Variants in F8 observed in about 807,000 individuals in gnomAD.
F8 encodes the protein coagulation factor VIII.
F8 carries 12 observed loss-of-function variants against 140.6 expected under a neutral mutation model. That is an observed-to-expected ratio of 0.09 (90% CI 0.05 to 0.14). F8 has a LOEUF of 0.14. F8 is among the 10% of genes least tolerant of loss of function. The probability of loss-of-function intolerance (pLI) is 1.00; values close to 1 mark genes in which losing one functional copy is unlikely to be tolerated. For synonymous variants in F8, 585 were observed against 614.6 expected, an observed-to-expected ratio of 0.95 and a Z score of 0.71; for missense variants, 1,354 against 1,720.7, an observed-to-expected ratio of 0.79 and a Z score of 3.77.
At chrX:154,854,704 C>T (rs1213870459) in intron 25 of F8, among the ~76,000 whole-genome samples, 1 of 110,823 alleles carries the variant, frequency 9.0e-6, no homozygotes, top group Non-Finnish European at 1.9e-5. Flanking sequence ...TCTAAAGGAA[C>T]AGAATTTTAA....
chrX:154,950,155 C>T (rs782283590), intron 12 of F8, among the ~76,000 whole-genome samples: 7 of 111,776 alleles, frequency 6.3e-5, no homozygotes, highest in Non-Finnish European at 1.1e-4. Context: ...CCTTAAAGAC[C>T]CTATCTCCAA....
chrX:154,874,706 ATGT>A (rs2072799106), intron 22 of F8, among the ~76,000 whole-genome samples: 1 of 112,216 alleles, frequency 8.9e-6, no homozygotes, highest in South Asian at 3.7e-4. Flanking sequence ...AAGATGACAA[ATGT>A]TGGTGGTAAT....
At chrX:154,914,597 G>C (rs1366109224) in intron 14 of F8, among the ~76,000 whole-genome samples, 1 of 112,202 alleles carries the variant, frequency 8.9e-6, no homozygotes, top group Non-Finnish European at 1.9e-5. Context: ...CTTTGCTAAA[G>C]CATAGCAAGA....
chrX:154,955,934 T>C (rs1433626461), intron 11 of F8, among the ~76,000 whole-genome samples: 1 of 111,749 alleles, frequency 8.9e-6, no homozygotes, highest in Non-Finnish European at 1.9e-5. Flanking sequence ...AATTTCCTAA[T>C]CCTAGCAAGC....
intron 25 of F8, among the ~76,000 whole-genome samples, chrX:154,856,371 G>A (rs2072651310): frequency 8.9e-6 from 1 of 112,197 alleles, no homozygotes; most frequent in African/African-American, 3.2e-5. Context: ...TGGATCCTGG[G>A]GTGGAAGGGG....
chrX:154,948,559 C>T (rs1244843729), intron 12 of F8, among the ~76,000 whole-genome samples: 1 of 112,181 alleles, frequency 8.9e-6, no homozygotes, highest in Non-Finnish European at 1.9e-5. Flanking sequence ...AAATGTTAAA[C>T]ATTTGTGAAT....
chrX:154,938,959 G>T (rs1302994873), intron 13 of F8, among the ~76,000 whole-genome samples: 1 of 110,847 alleles, frequency 9.0e-6, no homozygotes, highest in Non-Finnish European at 1.9e-5. Context: ...AATATATGTA[G>T]AATTCAAATA....
chrX:154,964,836 G>A (rs1557281858), intron 9 of F8, among the ~76,000 whole-genome samples: 1 of 111,300 alleles, frequency 9.0e-6, no homozygotes, highest in Non-Finnish European at 1.9e-5. Flanking sequence ...ATAAAAGATA[G>A]GAGGTTTTGA....
intron 13 of F8, among the ~76,000 whole-genome samples, chrX:154,945,127 A>T (rs1557280193): frequency 9.0e-6 from 1 of 110,521 alleles, no homozygotes; most frequent in African/African-American, 3.3e-5. Flanking sequence ...TATGTAACTA[A>T]CCTGCACATT....
chrX:154,901,525 C>A, intron 19 of F8, 83 bp from the exon 20 acceptor site: 1 of 652,201 alleles, frequency 1.5e-6, no homozygotes, highest in Non-Finnish European at 2.6e-6. Context: ...AATGGGAGAA[C>A]GTCAACAAAT....
In F8 at chrX:154,966,917, C is replaced by T. The variant is rs191479282; in HGVS notation, c.1010-230G>A. Among the ~76,000 whole-genome samples, 5 of 110,046 alleles carry T rather than the reference C, an allele frequency of 4.5e-5. No homozygotes were observed. In the Admixed American group the frequency reaches 4.9e-4, roughly 11 times the overall value. On this transcript the variant is annotated intron_variant, in intron 7 of 25. Transcript: ENST00000360256. ...ACATGTCACATGGTGAAAGCAGGAG[C>T]AAGACAGAGAGTGCAAGTTGCCACA...
chrX:154,903,754 C>A lies in F8; in HGVS notation c.5998+152G>T, dbSNP rs782756781. ...AATTATCTTGTTCATTTGCTTTGAA[C>A]AAATGGTTTAAAAAGCATTTGAAAA... On this transcript the variant is annotated intron_variant, in intron 18 of 25. Coordinates refer to ENST00000360256, the MANE Select transcript of F8 (RefSeq NM_000132.4). The A allele has an allele frequency of 1.9e-5, 9 of 471,899 alleles. No homozygotes were observed. In the Admixed American group the frequency reaches 2.8e-4, roughly 15 times the overall value. 38.9% of individuals were successfully genotyped at this position (471,899 alleles called of 1,213,427 possible). A position where few individuals can be genotyped will look rare whatever the true frequency, so the allele number is the denominator to read the frequency against.
intron 2 of F8, among the ~76,000 whole-genome samples, chrX:154,997,944 G>A (rs28370200): frequency 0.046 from 5,188 of 112,184 alleles, 304 homozygotes; most frequent in African/African-American, 0.16. Flanking sequence ...CAGAAAATCA[G>A]GAGGAAAATT....
chrX:154,973,815 G>A (rs1340391312), intron 6 of F8, among the ~76,000 whole-genome samples: 3 of 111,220 alleles, frequency 2.7e-5, no homozygotes, highest in Non-Finnish European at 5.7e-5. Flanking sequence ...TTTTTGTTTC[G>A]AGACAGTGTT....
chrX:154,928,709 T>C lies in F8; in HGVS notation c.5081A>G (p.Glu1694Gly), dbSNP rs1557278277. Residue 1694 changes from glutamate (E) to glycine (G), a missense_variant, in exon 14 of 26, where the codon GAA becomes GGA. Transcript: ENST00000360256. ...DDTISVEMKKEDFDIYDEDEN... is the reference protein window; with the variant it reads ...DDTISVEMKKGDFDIYDEDEN... ...ATCCTCATCATAAATGTCAAAATCT[T>C]CCTTCTTCATTTCAACTGATATGGT... 2.5e-6 allele frequency: 3 copies of C among 1,208,437 alleles called. No individual in the cohort carries two copies. The highest frequency in any genetic ancestry group is 2.2e-6 in the Non-Finnish European group (2 of 894,655).
In F8 at chrX:154,955,150, A is replaced by G. The variant is rs74879162; in HGVS notation, c.1753-1108T>C. On this transcript the variant is annotated intron_variant, in intron 11 of 25. Coordinates refer to ENST00000360256, the MANE Select transcript of F8 (RefSeq NM_000132.4). ...TATATCTTTCCCTATGTTTTGCCCA[A>G]AAGTATTTATTAAGCTTTTTTTTTT... Among the ~76,000 whole-genome samples, 411 of 102,959 alleles carry G rather than the reference A, an allele frequency of 4.0e-3. 1 individual carries two copies. The highest frequency in any genetic ancestry group is 0.014 in the African/African-American group (393 of 28,279). The allele number at this position is 102,959 out of a possible 115,157, so 89.4% of individuals were successfully genotyped here. A position where few individuals can be genotyped will look rare whatever the true frequency, so the allele number is the denominator to read the frequency against.
intron 9 of F8, among the ~76,000 whole-genome samples, chrX:154,962,951 C>G (rs782059353): frequency 1.8e-5 from 2 of 109,159 alleles, no homozygotes; most frequent in Non-Finnish European, 3.8e-5. Flanking sequence ...GAAGCTGCAG[C>G]GAAGAACCCT....
chrX:154,964,595 G>A (rs952756369), intron 9 of F8, among the ~76,000 whole-genome samples: 1 of 111,736 alleles, frequency 8.9e-6, no homozygotes, highest in Admixed American at 9.5e-5. Context: ...TCAAATTAAT[G>A]AAAAAAGGAT....
intron 6 of F8, among the ~76,000 whole-genome samples, chrX:154,980,969 A>G: frequency 8.9e-6 from 1 of 112,358 alleles, no homozygotes; most frequent in Admixed American, 9.3e-5. Context: ...CATATCAAAA[A>G]GAAAGTGAAA....
Sources: allele counts gnomAD v4.1 joint callset (sites outside exome capture counted in the v4.1 genomes callset), GRCh38; gene constraint gnomAD v4.1.1; transcripts MANE v1.5; gene names NCBI Gene and HGNC (gene_info 2026-07-23, HGNC 2026-07-21).